MACROD2: variants seen among roughly 807,000 people sequenced by gnomAD.
MACROD2 encodes mono-ADP ribosylhydrolase 2.
A neutral mutation model predicts 70.4 loss-of-function variants in MACROD2; 36 were observed. The observed-to-expected ratio is 0.51, with a 90% confidence interval of 0.39 to 0.68. MACROD2 has a LOEUF of 0.68. Ranked by LOEUF, MACROD2 falls within the 30% of genes least tolerant of loss-of-function variation. The pLI is 0.00. For synonymous variants in MACROD2, 172 were observed against 178.8 expected, an observed-to-expected ratio of 0.96 and a Z score of 0.30; for missense variants, 496 against 538.4, an observed-to-expected ratio of 0.92 and a Z score of 0.78.
chr20:15,204,579 G>C (rs1220246958), intron 5 of MACROD2, among the ~76,000 whole-genome samples: 1 of 152,046 alleles, frequency 6.6e-6, no homozygotes, highest in African/African-American at 2.4e-5. Context: ...ATTATGGAGT[G>C]CCCTTTTTCT....
At chr20:14,638,547 G>C (rs1252976643) in intron 4 of MACROD2, among the ~76,000 whole-genome samples, 3 of 152,066 alleles carry the variant, frequency 2.0e-5, no homozygotes, top group Non-Finnish European at 4.4e-5. Flanking sequence ...GATTCTGCCA[G>C]GATTCATGTG....
intron 4 of MACROD2, among the ~76,000 whole-genome samples, chr20:14,613,809 C>A (rs1983312160): frequency 6.6e-6 from 1 of 152,096 alleles, no homozygotes; most frequent in South Asian, 2.1e-4. Context: ...TAAAAATCCA[C>A]TTACAGCCAT....
chr20:16,046,606 T>A (rs922710656), intron 17 of MACROD2, among the ~76,000 whole-genome samples: 1 of 150,500 alleles, frequency 6.6e-6, no homozygotes, highest in Non-Finnish European at 1.5e-5. Context: ...TTGGTTAATA[T>A]CAAAATGATA....
chr20:15,332,886 T>C (rs566389059), intron 6 of MACROD2, among the ~76,000 whole-genome samples: 2 of 151,690 alleles, frequency 1.3e-5, no homozygotes, highest in East Asian at 1.9e-4. Context: ...GAGGAGAAAT[T>C]ACTGGCAGGA....
At chr20:15,925,296 G>A (rs901121928) in intron 10 of MACROD2, among the ~76,000 whole-genome samples, 12 of 152,106 alleles carry the variant, frequency 7.9e-5, no homozygotes, top group African/African-American at 2.9e-4. Flanking sequence ...TCTTATTATT[G>A]TCATTCCTTA....
chr20:15,948,250 A>G (rs1157366588), intron 12 of MACROD2, among the ~76,000 whole-genome samples: 4 of 152,040 alleles, frequency 2.6e-5, no homozygotes, highest in Non-Finnish European at 5.9e-5. Context: ...GGAGGTAAAG[A>G]AATAGACAAT....
chr20:14,175,008 C>T (rs886241405), intron 3 of MACROD2, among the ~76,000 whole-genome samples: 6 of 152,176 alleles, frequency 3.9e-5, no homozygotes, highest in Non-Finnish European at 7.3e-5. Context: ...CACACTTTCA[C>T]ACTCTGGGCA....
chr20:14,316,306 T>C (rs2082611316), intron 3 of MACROD2, among the ~76,000 whole-genome samples: 1 of 152,228 alleles, frequency 6.6e-6, no homozygotes, highest in South Asian at 2.1e-4. Flanking sequence ...TCTGTAAGTA[T>C]TGGAAGAAAA....
At chr20:15,097,489 T>C (rs1426760530) in intron 5 of MACROD2, among the ~76,000 whole-genome samples, 2 of 152,188 alleles carry the variant, frequency 1.3e-5, no homozygotes, top group Non-Finnish European at 2.9e-5. Flanking sequence ...GTCTTTCAGA[T>C]GTGAAAAATC....
intron 8 of MACROD2, among the ~76,000 whole-genome samples, chr20:15,661,442 C>A (rs917685191): frequency 6.6e-6 from 1 of 152,138 alleles, no homozygotes; most frequent in Non-Finnish European, 1.5e-5. Flanking sequence ...GACTTTCCAA[C>A]AACCCACTCT....
At chr20:15,342,568 A>G (rs946234450) in intron 6 of MACROD2, among the ~76,000 whole-genome samples, 3 of 152,170 alleles carry the variant, frequency 2.0e-5, no homozygotes, top group African/African-American at 7.2e-5. Context: ...ACAAGCCAAT[A>G]ATATGGTTTA....
intron 6 of MACROD2, among the ~76,000 whole-genome samples, chr20:15,232,726 G>A (rs1965447760): frequency 1.3e-5 from 2 of 151,930 alleles, no homozygotes; most frequent in Admixed American, 6.6e-5. Flanking sequence ...CATTTACCAT[G>A]TAATTTCTTG....
intron 13 of MACROD2, among the ~76,000 whole-genome samples, chr20:15,973,271 G>A (rs983086788): frequency 8.2e-5 from 12 of 146,124 alleles, no homozygotes; most frequent in African/African-American, 1.4e-4. Context: ...GAGGAAATGA[G>A]GAAGGGAATG....
At chr20:15,349,432 T>A (rs2078202637) in intron 6 of MACROD2, among the ~76,000 whole-genome samples, 1 of 152,144 alleles carries the variant, frequency 6.6e-6, no homozygotes, top group South Asian at 2.1e-4. Context: ...AATTTGTAGT[T>A]CTAGCAATAT....
intron 3 of MACROD2, 89 bp from the exon 4 acceptor site, chr20:14,493,390 C>A: frequency 2.7e-6 from 3 of 1,094,326 alleles, no homozygotes; most frequent in Non-Finnish European, 4.1e-6. Context: ...GACATATGAT[C>A]ATTATTAGCT....
At chr20:15,639,246 G>T (rs1036097334) in intron 8 of MACROD2, among the ~76,000 whole-genome samples, 2 of 152,190 alleles carry the variant, frequency 1.3e-5, no homozygotes, top group African/African-American at 4.8e-5. Context: ...TGAATTATAT[G>T]CCAGGAAAAT....
chr20:14,818,257 C>T (rs758339777), intron 5 of MACROD2, among the ~76,000 whole-genome samples: 99 of 152,028 alleles, frequency 6.5e-4, no homozygotes, highest in Non-Finnish European at 1.2e-3. Flanking sequence ...TGAAGAGCCA[C>T]GGAAAATCCT....
chr20:14,722,235 T>G (rs2071478280), intron 5 of MACROD2, among the ~76,000 whole-genome samples: 1 of 152,210 alleles, frequency 6.6e-6, no homozygotes, highest in Non-Finnish European at 1.5e-5. Flanking sequence ...GCTGGCGCAG[T>G]GTCCACTTTG....
intron 5 of MACROD2, among the ~76,000 whole-genome samples, chr20:15,123,345 C>T (rs1038890115): frequency 1.3e-5 from 2 of 152,116 alleles, no homozygotes; most frequent in African/African-American, 4.8e-5. Flanking sequence ...GCCACATCAA[C>T]ACTTGCCCAA....
Sources: allele counts gnomAD v4.1 joint callset (sites outside exome capture counted in the v4.1 genomes callset), GRCh38; gene constraint gnomAD v4.1.1; transcripts MANE v1.5; gene names NCBI Gene and HGNC (gene_info 2026-07-23, HGNC 2026-07-21).